Variants in NRG1 observed in about 807,000 individuals in gnomAD.
NRG1 encodes the protein neuregulin 1.
Under a neutral mutation model 63.8 loss-of-function variants are expected in NRG1, and 18 were observed. The observed-to-expected ratio is 0.28, with a 90% CI of 0.19 to 0.42. The LOEUF (loss-of-function observed/expected upper bound fraction) is 0.42, where lower values mean the gene tolerates loss of function less well. NRG1 is among the 10% of genes least tolerant of loss of function. The probability of loss-of-function intolerance (pLI) is 1.00; values close to 1 mark genes in which losing one functional copy is unlikely to be tolerated. For missense variants in NRG1, 762 were observed against 814.7 expected (o/e 0.94, Z 0.79); for synonymous variants, 302 against 301.3 (o/e 1.00, Z -0.02).
intron 1 of NRG1, among the ~76,000 whole-genome samples, chr8:32,580,596 G>T (rs1018638749): frequency 2.0e-5 from 3 of 152,060 alleles, no homozygotes; most frequent in African/African-American, 7.2e-5. Flanking sequence ...GTAAAATGAG[G>T]CTTAGAGAAT....
rs1563461973 is a variant in NRG1 at position 32,436,391 on chromosome 8, T to C, written c.38-159437T>C. Among the ~76,000 whole-genome samples, 5 of 152,298 alleles carry C rather than the reference T, an allele frequency of 3.3e-5. No homozygotes were observed. In the South Asian group the frequency reaches 1.0e-3, roughly 32 times the overall value. On this transcript the variant is annotated intron_variant, in intron 1 of 10. Coordinates refer to the NRG1 transcript ENST00000519301. ...CACAGCCAAACCATATCAGAGTGTA[T>C]ACTTTCATTTTATTCCTCAATCTTC...
At chr8:32,085,589 G>T (rs1015652112) in intron 1 of NRG1, among the ~76,000 whole-genome samples, 3 of 152,106 alleles carry the variant, frequency 2.0e-5, no homozygotes, top group Non-Finnish European at 4.4e-5. Flanking sequence ...GGATCTAGAT[G>T]GAAGATATTA....
chr8:32,547,297 G>A (rs1833173142), upstream of NRG1, among the ~76,000 whole-genome samples: 1 of 152,042 alleles, frequency 6.6e-6, no homozygotes. Context: ...TAGGTTTCAC[G>A]CGCAGTTCTG....
chr8:32,742,677 G>A lies in NRG1; in HGVS notation c.635G>A (p.Cys212Tyr). Reference sequence around the variant, plus strand: ...TGTTTTTTTGTTTCTTCTCTCAGGTGCCCAAATGAGTTTACTGGTGATCGC... The same window carrying A: ...TGTTTTTTTGTTTCTTCTCTCAGGTACCCAAATGAGTTTACTGGTGATCGC... The change falls in exon 7 of 12, where the codon TGC (cysteine) becomes TAC (tyrosine). Residue 212 changes from cysteine to tyrosine, a missense_variant and splice_region_variant. By Grantham distance (194) the Cys-to-Tyr change is radical (BLOSUM62 -2). Around this residue, in one of 3 missense-constraint regions of NRG1, gnomAD observed 122 missense variants for 190.1 expected, o/e 0.64. Coordinates refer to ENST00000356819, the Ensembl canonical transcript of NRG1. The surrounding 1 kb of genome is among the most constrained non-coding windows in gnomAD (Gnocchi z 4.2). The A allele has an allele frequency of 6.2e-7, 1 of 1,613,268 alleles. No individual in the cohort carries two copies. Among genetic ancestry groups the A allele is most frequent in the Non-Finnish European group, 8.5e-7 (1 of 1,179,480 alleles).
chr8:32,508,589 G>A (rs773045328), intron 1 of NRG1, among the ~76,000 whole-genome samples: 6 of 151,982 alleles, frequency 3.9e-5, no homozygotes, highest in South Asian at 2.1e-4. Flanking sequence ...GAGCCACCGC[G>A]CCTGGCCTAA....
At chr8:32,621,042 C>T (rs544449802) in intron 5 of NRG1, among the ~76,000 whole-genome samples, 1 of 152,084 alleles carries the variant, frequency 6.6e-6, no homozygotes, top group Non-Finnish European at 1.5e-5. Flanking sequence ...TTTACAAACA[C>T]ATTATCGGTT....
intron 1 of NRG1, among the ~76,000 whole-genome samples, chr8:32,103,837 A>C (rs1030839829): frequency 3.9e-5 from 6 of 152,152 alleles, no homozygotes; most frequent in South Asian, 2.1e-4. Context: ...CGAGCAAAGG[A>C]GGTAGGGTTG....
chr8:32,592,759 A>G (rs1159818726), intron 1 of NRG1, among the ~76,000 whole-genome samples: 1 of 152,134 alleles, frequency 6.6e-6, no homozygotes, highest in East Asian at 1.9e-4. Context: ...GGGGGGAAAC[A>G]TGGTCCTTAA....
chr8:32,541,121 T>C (rs1832532613), intron 1 of NRG1, among the ~76,000 whole-genome samples: 1 of 152,176 alleles, frequency 6.6e-6, no homozygotes, highest in Non-Finnish European at 1.5e-5. Context: ...CAAAGAAACT[T>C]GAGTTCTAGG....
At chr8:32,753,136 C>T (rs530574279) in intron 7 of NRG1, among the ~76,000 whole-genome samples, 65 of 152,284 alleles carry the variant, frequency 4.3e-4, no homozygotes, top group African/African-American at 1.4e-3. Flanking sequence ...GTACAGTATT[C>T]CCCAGTTCTT....
At chr8:31,749,111 T>C (rs1446184409) in intron 1 of NRG1, among the ~76,000 whole-genome samples, 1 of 151,792 alleles carries the variant, frequency 6.6e-6, no homozygotes, top group Non-Finnish European at 1.5e-5. Context: ...AACTTCTCCA[T>C]GACAGAGGAT....
chr8:32,186,477 GA>G (rs1563885525), intron 1 of NRG1, among the ~76,000 whole-genome samples: 1 of 145,074 alleles, frequency 6.9e-6, no homozygotes, highest in African/African-American at 2.5e-5. Context: ...AAAAAAAAAA[GA>G]AAAAAGAAAG....
chr8:31,773,341 C>T (rs1818814753), intron 1 of NRG1, among the ~76,000 whole-genome samples: 1 of 152,120 alleles, frequency 6.6e-6, no homozygotes, highest in Non-Finnish European at 1.5e-5. Context: ...GTGAAGGAGT[C>T]CTGTTCATTT....
At position 31,820,327 on chromosome 8, in the gene NRG1, A is replaced by G. The variant is rs182574667; in HGVS notation, c.37+180896A>G. ...CACATCTGCCCTTCCTCCCCTCCAG[A>G]GATAGAAAGACTTGTATGTATTCTG... is the stretch of plus-strand genomic sequence containing the variant. On this transcript the variant is annotated intron_variant, in intron 1 of 10. Coordinates refer to the NRG1 transcript ENST00000519301. Among the ~76,000 whole-genome samples, 432 of 152,248 alleles carry G rather than the reference A, an allele frequency of 2.8e-3. 3 individuals are homozygous for G. Among genetic ancestry groups the G allele is most frequent in the Non-Finnish European group, 3.6e-3 (245 of 68,008 alleles).
chr8:32,511,854 A>C (rs1033184356), intron 1 of NRG1, among the ~76,000 whole-genome samples: 3 of 152,306 alleles, frequency 2.0e-5, no homozygotes, highest in Middle Eastern at 3.4e-3. Context: ...GTGACCCTAA[A>C]TGGGGAGAAT....
chr8:32,399,064 AG>A (rs978653042), intron 1 of NRG1, among the ~76,000 whole-genome samples: 1 of 152,190 alleles, frequency 6.6e-6, no homozygotes, highest in African/African-American at 2.4e-5. Context: ...TTGTGGACTG[AG>A]GTAGAGATGT....
At chr8:32,475,962 T>C (rs1355250513) in intron 1 of NRG1, among the ~76,000 whole-genome samples, 1 of 152,202 alleles carries the variant, frequency 6.6e-6, no homozygotes, top group Non-Finnish European at 1.5e-5. Context: ...TGATTTTCAA[T>C]TTTCTGTTCT....
chr8:31,983,301 A>G (rs1226944058), intron 1 of NRG1, among the ~76,000 whole-genome samples: 1 of 152,114 alleles, frequency 6.6e-6, no homozygotes, highest in Non-Finnish European at 1.5e-5. Context: ...TGCTTTTATA[A>G]AGGACATAAC....
chr8:32,757,336 CCTT>C (rs1829861490), intron 9 of NRG1, among the ~76,000 whole-genome samples: 1 of 152,092 alleles, frequency 6.6e-6, no homozygotes, highest in South Asian at 2.1e-4. Context: ...CCAGCATCAT[CCTT>C]CTTATTTTCA....
Sources: allele counts gnomAD v4.1 joint callset (sites outside exome capture counted in the v4.1 genomes callset), GRCh38; gene constraint gnomAD v4.1.1; regional missense constraint gnomAD v4.1.1; non-coding constraint Gnocchi (gnomAD v3.1); transcripts MANE v1.5; gene names NCBI Gene and HGNC (gene_info 2026-07-23, HGNC 2026-07-21).